Variants in EVL observed in about 807,000 individuals in gnomAD.
EVL encodes the protein ena/VASP-like protein.
EVL carries 21 observed loss-of-function variants against 59.6 expected under a neutral mutation model. The observed-to-expected ratio is 0.35, with a 90% CI of 0.25 to 0.51. The LOEUF (loss-of-function observed/expected upper bound fraction) is 0.51. Among genes scored for constraint, EVL ranks in the 20% least tolerant of loss-of-function variants. The pLI is 0.97. For missense variants in EVL, 462 were observed against 546.6 expected, an observed-to-expected ratio of 0.85 and a Z score of 1.54; for synonymous variants, 198 against 203.5, an observed-to-expected ratio of 0.97 and a Z score of 0.23.
chr14:100,106,569 C>T (rs1886583732), intron 3 of EVL: 1 of 311,042 alleles, frequency 3.2e-6, no homozygotes, highest in Non-Finnish European at 5.8e-6. Context: ...GACTGCTTCT[C>T]TTTTCTCTCT....
chr14:100,034,489 A>G (rs2061359428), intron 1 of EVL, among the ~76,000 whole-genome samples: 1 of 152,112 alleles, frequency 6.6e-6, no homozygotes, highest in South Asian at 2.1e-4. Flanking sequence ...CTTTAGGTCA[A>G]AATGAATCCC....
At chr14:100,123,685 C>A in intron 4 of EVL, 83 bp downstream of exon 4, 1 of 1,414,074 alleles carries the variant, frequency 7.1e-7, no homozygotes, top group Non-Finnish European at 9.9e-7. Flanking sequence ...GGTGAGGATG[C>A]ACCAGCAGCC....
At chr14:100,020,112 A>C (rs531986617) in intron 1 of EVL, among the ~76,000 whole-genome samples, 1 of 152,320 alleles carries the variant, frequency 6.6e-6, no homozygotes, top group East Asian at 1.9e-4. Context: ...GAAAAATTCT[A>C]CAAGTCTGTC....
intron 12 of EVL, 49 bp from the exon 13 acceptor site, chr14:100,141,687 T>C: frequency 6.3e-7 from 1 of 1,598,254 alleles, no homozygotes; most frequent in African/African-American, 1.3e-5. Context: ...AGGCCGGCTT[T>C]TCCGTCTCCA....
chr14:99,976,922 C>T (rs1321579308), intron 1 of EVL, among the ~76,000 whole-genome samples: 3 of 152,216 alleles, frequency 2.0e-5, no homozygotes, highest in African/African-American at 7.2e-5. Flanking sequence ...TCCCCCGTGC[C>T]TCCAAGCAGG....
At chr14:100,041,016 C>T (rs933498906) in intron 1 of EVL, among the ~76,000 whole-genome samples, 1 of 152,164 alleles carries the variant, frequency 6.6e-6, no homozygotes, top group African/African-American at 2.4e-5. Flanking sequence ...AATTCCGGGT[C>T]AGTCAACACT....
chr14:100,062,270 T>A (rs548045224), upstream of EVL, among the ~76,000 whole-genome samples: 1 of 152,008 alleles, frequency 6.6e-6, no homozygotes, highest in Non-Finnish European at 1.5e-5. Context: ...TAACATTGTA[T>A]TTTGAGTAAC....
intron 1 of EVL, among the ~76,000 whole-genome samples, chr14:100,006,580 C>G (rs1429756145): frequency 1.3e-5 from 2 of 152,024 alleles, no homozygotes; most frequent in East Asian, 3.9e-4. Context: ...AGCCACTGCG[C>G]CCGGCATGTT....
intron 1 of EVL, among the ~76,000 whole-genome samples, chr14:100,081,926 C>G (rs1232849165): frequency 6.6e-6 from 1 of 152,042 alleles, no homozygotes; most frequent in Non-Finnish European, 1.5e-5. Context: ...ATGGTAAAAC[C>G]CTGTCTCTAC....
At chr14:100,022,172 C>T (rs186746510) in intron 1 of EVL, among the ~76,000 whole-genome samples, 11 of 152,012 alleles carry the variant, frequency 7.2e-5, no homozygotes, top group East Asian at 1.9e-4. Context: ...ATCCTGGGGC[C>T]GGCTCCATCA....
chr14:100,022,910 G>A (rs1387987816), intron 1 of EVL, among the ~76,000 whole-genome samples: 1 of 152,110 alleles, frequency 6.6e-6, no homozygotes, highest in Admixed American at 6.5e-5. Context: ...AGAAAAGCGT[G>A]GTGTCCTCAG....
At position 99,989,577 on chromosome 14, in the gene EVL, A is replaced by G. The variant is rs546624738; in HGVS notation, c.5+17520A>G. ...GATTAATCTCTTCTGTTTTCCTGTT[A>G]TAAGGAACCCACCCTCACATATTTT... is the stretch of plus-strand genomic sequence containing the variant. On this transcript the variant is annotated intron_variant, in intron 1 of 13. Transcript: ENST00000402714. Among the ~76,000 whole-genome samples the G allele has an allele frequency of 7.2e-5, 11 of 152,280 alleles. No homozygotes were observed. In the South Asian group the frequency reaches 2.3e-3, roughly 32 times the overall value.
At chr14:100,079,611 A>G (rs1240077861) in intron 1 of EVL, among the ~76,000 whole-genome samples, 2 of 152,192 alleles carry the variant, frequency 1.3e-5, no homozygotes, top group African/African-American at 4.8e-5. Flanking sequence ...CCCTGCACTC[A>G]CATTTCCCAA....
chr14:99,984,897 T>A (rs1034177527), intron 1 of EVL, among the ~76,000 whole-genome samples: 1 of 152,202 alleles, frequency 6.6e-6, no homozygotes, highest in African/African-American at 2.4e-5. Context: ...ATTACAGGCA[T>A]AAGCCACTGT....
At chr14:99,987,012 A>T (rs1345586319) in intron 1 of EVL, among the ~76,000 whole-genome samples, 1 of 152,232 alleles carries the variant, frequency 6.6e-6, no homozygotes. Flanking sequence ...GTTTCTTAGA[A>T]ATAGCACCAA....
intron 1 of EVL, among the ~76,000 whole-genome samples, chr14:100,071,913 T>C (rs1397465621): frequency 1.3e-5 from 2 of 152,126 alleles, no homozygotes; most frequent in African/African-American, 4.8e-5. Flanking sequence ...GTCTACTTCA[T>C]AGCATGAAAC....
At chr14:100,047,776 G>A (rs190839338) in intron 1 of EVL, among the ~76,000 whole-genome samples, 59 of 152,270 alleles carry the variant, frequency 3.9e-4, no homozygotes, top group African/African-American at 1.4e-3. Context: ...TTACCCTACA[G>A]AGAGCTTGGA....
intron 2 of EVL, among the ~76,000 whole-genome samples, chr14:100,085,865 C>A (rs987008980): frequency 6.6e-6 from 1 of 152,182 alleles, no homozygotes; most frequent in Non-Finnish European, 1.5e-5. Flanking sequence ...CGGTGGCTCA[C>A]GCCTGTAATC....
At chr14:100,075,488 G>A (rs987323683) in intron 1 of EVL, among the ~76,000 whole-genome samples, 25 of 152,180 alleles carry the variant, frequency 1.6e-4, no homozygotes, top group African/African-American at 5.3e-4. Flanking sequence ...CTAGCTTTGG[G>A]AACATTTATT....
Sources: allele counts gnomAD v4.1 joint callset (sites outside exome capture counted in the v4.1 genomes callset), GRCh38; gene constraint gnomAD v4.1.1; transcripts MANE v1.5; gene names NCBI Gene and HGNC (gene_info 2026-07-23, HGNC 2026-07-21).